Variants in GPD1L observed in about 807,000 individuals in gnomAD.
The protein encoded by GPD1L is glycerol-3-phosphate dehydrogenase 1-like protein.
A neutral mutation model predicts 32.9 loss-of-function variants in GPD1L; 17 were observed. The ratio of observed to expected loss-of-function variants is 0.52; its 90% CI spans 0.35 to 0.78. The LOEUF (loss-of-function observed/expected upper bound fraction) is 0.78. Ranked by LOEUF, GPD1L falls within the 30% of genes least tolerant of loss-of-function variation. The probability of loss-of-function intolerance (pLI) is 0.01; values close to 1 mark genes in which losing one functional copy is unlikely to be tolerated. For missense variants in GPD1L, 361 were observed against 447.8 expected (o/e 0.81, Z 1.75); for synonymous variants, 187 against 165.9 (o/e 1.13, Z -0.98).
chr3:32,107,293 C>T (rs984223238), intron 1 of GPD1L, among the ~76,000 whole-genome samples: 3 of 152,164 alleles, frequency 2.0e-5, no homozygotes, highest in Admixed American at 6.5e-5. Flanking sequence ...TTAGGCGCGT[C>T]GTATCAGGAA....
chr3:32,140,639 A>G (rs1700730588), intron 4 of GPD1L, among the ~76,000 whole-genome samples: 2 of 152,216 alleles, frequency 1.3e-5, no homozygotes, highest in South Asian at 4.1e-4. Flanking sequence ...GGTTAAACAC[A>G]AAAGTGCAAG....
At chr3:32,139,426 C>A (rs1223156397) in intron 3 of GPD1L, among the ~76,000 whole-genome samples, 6 of 152,238 alleles carry the variant, frequency 3.9e-5, no homozygotes, top group African/African-American at 1.4e-4. Context: ...ATTAATAAAA[C>A]AGTGCATATA....
intron 1 of GPD1L, among the ~76,000 whole-genome samples, chr3:32,112,685 C>T (rs1700269887): frequency 1.3e-5 from 2 of 152,140 alleles, no homozygotes; most frequent in South Asian, 2.1e-4. Context: ...AGGAATGAGT[C>T]GAGAGCTCCC....
At chr3:32,147,311 G>A (rs1439165677) in intron 5 of GPD1L, among the ~76,000 whole-genome samples, 1 of 152,106 alleles carries the variant, frequency 6.6e-6, no homozygotes, top group African/African-American at 2.4e-5. Context: ...TTTTGTGTCC[G>A]GCTTCTTTGA....
chr3:32,130,605 TGCCTGCTCACTAAAAGCTGA>T (rs1490559213), intron 2 of GPD1L, among the ~76,000 whole-genome samples: 1 of 152,188 alleles, frequency 6.6e-6, no homozygotes, highest in Non-Finnish European at 1.5e-5. Flanking sequence ...ACCATGTCAT[TGCCTGCTCACTAAAAGCTGA>T]GCCCGTCTGG....
rs1036870206 is a variant in GPD1L, at chr3:32,167,486, A to T, written c.*1576A>T. ...ACTTTTACAGTTCAGGCCTGCTGTG[A>T]ATCTTTGATGAAGCTTTAAGGTGAC... On this transcript the variant is annotated 3_prime_UTR_variant, in exon 8 of 8. Coordinates refer to ENST00000282541, the MANE Select transcript of GPD1L (RefSeq NM_015141.4). 6.6e-6 allele frequency: 1 copy of T among 152,636 alleles called. No individual in the cohort carries two copies. The highest frequency in any genetic ancestry group is 1.5e-5 in the Non-Finnish European group (1 of 68,034). The allele number at this position is 152,636 out of a possible 1,614,324, so 9.5% of individuals were successfully genotyped here.
chr3:32,110,066 C>T (rs1055197382), intron 1 of GPD1L, among the ~76,000 whole-genome samples: 3 of 152,198 alleles, frequency 2.0e-5, no homozygotes, highest in East Asian at 1.9e-4. Context: ...TACAGGCACC[C>T]GCCACCACGC....
In GPD1L at chr3:32,121,555, A is replaced by G. The variant is rs964259998; in HGVS notation, c.48-6521A>G. ...TTTCTATGTATATATTTCTATATAT[A>G]TATTTCTATGTATATATTTCTATAT... On this transcript the variant is annotated intron_variant, in intron 1 of 7. Coordinates refer to ENST00000282541, the MANE Select transcript of GPD1L (RefSeq NM_015141.4). 1.5e-5 allele frequency among the ~76,000 whole-genome samples: 2 copies of G among 137,350 alleles called. 1 individual carries two copies. Among genetic ancestry groups the G allele is most frequent in the South Asian group, 4.3e-4 (2 of 4,654 alleles). 90.1% of individuals were successfully genotyped at this position (137,350 alleles called of 152,430 possible).
chr3:32,164,051 C>T (rs868776441), intron 7 of GPD1L, among the ~76,000 whole-genome samples: 2 of 152,150 alleles, frequency 1.3e-5, no homozygotes, highest in African/African-American at 2.4e-5. Flanking sequence ...TAGTGCCTCT[C>T]GAGAAATCTT....
intron 1 of GPD1L, among the ~76,000 whole-genome samples, chr3:32,122,707 G>A (rs1479152259): frequency 6.6e-6 from 1 of 152,058 alleles, no homozygotes; most frequent in Non-Finnish European, 1.5e-5. Flanking sequence ...TCCTCCCCAG[G>A]TAAGACCCAC....
Position 32,159,078 on chromosome 3 carries a change from G to T in GPD1L, c.821G>T (p.Arg274Met), listed in dbSNP as rs2125497965. The T allele has an allele frequency of 6.2e-7, 1 of 1,613,772 alleles. No homozygotes were observed. Residue 274 changes from arginine (R) to methionine (M), a missense_variant, in exon 6 of 8, where the codon AGG becomes ATG. Coordinates refer to ENST00000282541, the MANE Select transcript of GPD1L (RefSeq NM_015141.4). ...ACCTGTTACGGAGGGCGGAACCGCA[G>T]GGTGGCCGAGGCCTTCGCCAGAACT... Reference protein sequence around the residue: ...ITTCYGGRNRRVAEAFARTGK... With the variant: ...ITTCYGGRNRMVAEAFARTGK...
At position 32,138,733 on chromosome 3, in the gene GPD1L, T is replaced by TC; in HGVS notation, c.366+7dup. Reference sequence around the variant, plus strand: ...TGGGAATCACCCTCATCAAGGTAACTCGAGTGCATGCTGCCCAGGGCTAGA... The same window carrying TC: ...TGGGAATCACCCTCATCAAGGTAACTCCGAGTGCATGCTGCCCAGGGCTAGA... On this transcript the variant is annotated splice_region_variant and intron_variant, in intron 3 of 7. Transcript: ENST00000282541. 1 of 1,613,756 alleles carries TC rather than the reference T, an allele frequency of 6.2e-7. No homozygotes were observed. The highest frequency in any genetic ancestry group is 8.5e-7 in the Non-Finnish European group (1 of 1,179,738).
At chr3:32,117,812 G>A (rs1207922776) in intron 1 of GPD1L, among the ~76,000 whole-genome samples, 2 of 152,212 alleles carry the variant, frequency 1.3e-5, no homozygotes, top group East Asian at 1.9e-4. Context: ...CCAGGACCCT[G>A]TGTGTTGTTC....
intron 5 of GPD1L, among the ~76,000 whole-genome samples, chr3:32,154,070 G>A (rs548682352): frequency 6.6e-5 from 10 of 152,178 alleles, no homozygotes; most frequent in African/African-American, 1.4e-4. Context: ...GTTCAAACAC[G>A]CTCTGACTGG....
chr3:32,122,375 A>G (rs1700435498), intron 1 of GPD1L, among the ~76,000 whole-genome samples: 1 of 152,164 alleles, frequency 6.6e-6, no homozygotes, highest in African/African-American at 2.4e-5. Flanking sequence ...CCTCAATTTC[A>G]TCATCTGTAA....
At chr3:32,136,462 T>A (rs1406830604) in intron 2 of GPD1L, among the ~76,000 whole-genome samples, 2 of 152,120 alleles carry the variant, frequency 1.3e-5, no homozygotes, top group African/African-American at 4.8e-5. Context: ...AATGGGGAAG[T>A]TGTAGCTTTT....
rs1701150055 is a variant in GPD1L, at chr3:32,166,529, G to T, written c.*619G>T. 1 of 154,712 alleles carries T rather than the reference G, an allele frequency of 6.5e-6. No homozygotes were observed. The highest frequency in any genetic ancestry group is 2.4e-5 in the African/African-American group (1 of 41,414). 9.6% of individuals were successfully genotyped at this position (154,712 alleles called of 1,614,324 possible). A position where few individuals can be genotyped will look rare whatever the true frequency, so the allele number is the denominator to read the frequency against. ...TTTTTAGCCTCTTTTCTCTTCGTTA[G>T]TTGTCAGAATATGCCTTCGTCAAGG... On this transcript the variant is annotated 3_prime_UTR_variant, in exon 8 of 8. Transcript: ENST00000282541.
At position 32,106,705 on chromosome 3, in the gene GPD1L, C is replaced by T; in HGVS notation, c.-7C>T. 3 of 1,558,962 alleles carry T rather than the reference C, an allele frequency of 1.9e-6. No homozygotes were observed. The highest frequency in any genetic ancestry group is 2.6e-5 in the East Asian group (1 of 38,734). On this transcript the variant is annotated 5_prime_UTR_variant, in exon 1 of 8. Transcript: ENST00000282541. The surrounding 1 kb of genome is among the most constrained non-coding windows in gnomAD (Gnocchi z 4.0). ...GCACGGTCCAGGCGGCTACATTCGG[C>T]CCGGCCATGGCAGCGGCGCCCCTGA... is the stretch of plus-strand genomic sequence containing the variant.
At chr3:32,110,224 G>A (rs141211637) in intron 1 of GPD1L, among the ~76,000 whole-genome samples, 4 of 152,322 alleles carry the variant, frequency 2.6e-5, no homozygotes, top group African/African-American at 7.2e-5. Flanking sequence ...GGCCTAAATC[G>A]TGTTTCTTAA....
Sources: gnomAD v4.1 joint callset for allele counts (sites outside exome capture counted in the v4.1 genomes callset) on GRCh38, gnomAD v4.1.1 for gene constraint, Gnocchi (gnomAD v3.1) non-coding constraint, MANE v1.5 for transcripts, NCBI Gene and HGNC (gene_info 2026-07-23, HGNC 2026-07-21) for gene names.